IRAK2: variants seen among roughly 807,000 people sequenced by gnomAD.
IRAK2 encodes the protein interleukin-1 receptor-associated kinase-like 2.
A neutral mutation model predicts 72.0 loss-of-function variants in IRAK2; 57 were observed. The ratio of observed to expected loss-of-function variants is 0.79; its 90% CI spans 0.64 to 0.99. The LOEUF (loss-of-function observed/expected upper bound fraction) is 0.99, where lower values mean the gene tolerates loss of function less well. IRAK2 is among the 50% of genes least tolerant of loss of function. The probability of loss-of-function intolerance (pLI) is 0.00; values close to 1 mark genes in which losing one functional copy is unlikely to be tolerated. For synonymous variants in IRAK2, 293 were observed against 312.7 expected (o/e 0.94, Z 0.67); for missense variants, 790 against 794.4 (o/e 0.99, Z 0.07).
intron 4 of IRAK2, among the ~76,000 whole-genome samples, chr3:10,211,763 A>G (rs1697525000): frequency 6.6e-6 from 1 of 152,164 alleles, no homozygotes; most frequent in Non-Finnish European, 1.5e-5. Flanking sequence ...AAAACTGTTA[A>G]GAGCATATGT....
At chr3:10,204,243 G>A (rs1697405506) in intron 3 of IRAK2, among the ~76,000 whole-genome samples, 2 of 152,192 alleles carry the variant, frequency 1.3e-5, no homozygotes, top group African/African-American at 2.4e-5. Context: ...TCAGATAAGT[G>A]AGGCACAGCT....
At chr3:10,188,618 C>T (rs1697121309) in intron 2 of IRAK2, among the ~76,000 whole-genome samples, 1 of 152,242 alleles carries the variant, frequency 6.6e-6, no homozygotes, top group Non-Finnish European at 1.5e-5. Context: ...CCTCTGCCTC[C>T]CGGGTTCAAG....
At chr3:10,201,097 A>T (rs551383815) in intron 3 of IRAK2, among the ~76,000 whole-genome samples, 1 of 152,356 alleles carries the variant, frequency 6.6e-6, no homozygotes, top group Non-Finnish European at 1.5e-5. Context: ...GTGAGCAGAA[A>T]AGAAATAGCT....
intron 12 of IRAK2, among the ~76,000 whole-genome samples, chr3:10,240,567 T>TG (rs1193975872): frequency 1.5e-3 from 73 of 50,050 alleles, no homozygotes; most frequent in African/African-American, 6.3e-3. Flanking sequence ...CCTTTTTTTT[T>TG]TTTTGTTTTG....
chr3:10,209,491 G>T, intron 3 of IRAK2, 98 bp from the exon 4 acceptor site: 1 of 666,908 alleles, frequency 1.5e-6, no homozygotes, highest in Non-Finnish European at 2.4e-6. Flanking sequence ...AGTGTTTGGG[G>T]AGTGAACAGG....
chr3:10,214,219 G>T (rs895879778), intron 6 of IRAK2, among the ~76,000 whole-genome samples: 2 of 151,584 alleles, frequency 1.3e-5, no homozygotes, highest in African/African-American at 4.9e-5. Context: ...GTGAGCCACC[G>T]TGCCTGACTT....
rs1269430064 is a variant in IRAK2, at chr3:10,237,822, A to AG, written c.1474-926_1474-925insG. Among the ~76,000 whole-genome samples, 266 of 147,262 alleles carry AG rather than the reference A, an allele frequency of 1.8e-3. 2 individuals are homozygous for AG. Among genetic ancestry groups the AG allele is most frequent in the African/African-American group, 5.3e-3 (214 of 40,112 alleles). Reference sequence around the variant, plus strand: ...CTCTGTCTCAAAAAAAAAAAAAAAAAAAAGAAAGAAAGAAATGGATACATT... The same window carrying AG: ...CTCTGTCTCAAAAAAAAAAAAAAAAAGAAAGAAAGAAAGAAATGGATACATT... On this transcript the variant is annotated intron_variant, in intron 11 of 12. Transcript: ENST00000256458.
chr3:10,238,647 TC>T, intron 11 of IRAK2, 100 bp from the exon 12 acceptor site: 11 of 1,140,830 alleles, frequency 9.6e-6, no homozygotes, highest in Non-Finnish European at 1.3e-5. Context: ...ATTAGGTTCT[TC>T]AGTCTGCTCC....
chr3:10,207,078 CTTTTTGTTTGTT>C (rs1203102126), intron 3 of IRAK2, among the ~76,000 whole-genome samples: 8 of 151,844 alleles, frequency 5.3e-5, no homozygotes, highest in Non-Finnish European at 1.0e-4. Context: ...GTCTTAAACT[CTTTTTGTTTGTT>C]TTTTTGTTTG....
rs142760102 is a variant in IRAK2 at position 10,218,403 on chromosome 3, G to A, written c.904-1277G>A. Among the ~76,000 whole-genome samples, 334 of 129,572 alleles carry A rather than the reference G, an allele frequency of 2.6e-3. 10 individuals carry two copies. In the East Asian group the frequency reaches 0.074, roughly 29 times the overall value. 85.0% of individuals were successfully genotyped at this position (129,572 alleles called of 152,430 possible). A position where few individuals can be genotyped will look rare whatever the true frequency, so the allele number is the denominator to read the frequency against. ...TGCACCACTGCACTCCAGCCTGGGC[G>A]ACAAAGTGAGACTCCGTCTCAAAAA... On this transcript the variant is annotated intron_variant, in intron 7 of 12. Coordinates refer to ENST00000256458, the MANE Select transcript of IRAK2 (RefSeq NM_001570.4).
intron 1 of IRAK2, among the ~76,000 whole-genome samples, chr3:10,169,006 T>G (rs1201582020): frequency 6.6e-6 from 1 of 151,976 alleles, no homozygotes; most frequent in African/African-American, 2.4e-5. Context: ...GTCTGAGAAA[T>G]AAAGAGTACA....
chr3:10,241,167 C>T (rs1008893955), intron 12 of IRAK2, among the ~76,000 whole-genome samples: 6 of 151,336 alleles, frequency 4.0e-5, no homozygotes, highest in African/African-American at 9.7e-5. Flanking sequence ...CCTAGTACTT[C>T]GGGAGGACGA....
intron 4 of IRAK2, among the ~76,000 whole-genome samples, chr3:10,211,842 C>T (rs1021961637): frequency 1.3e-5 from 2 of 152,042 alleles, no homozygotes; most frequent in African/African-American, 4.8e-5. Context: ...CTTTGGGAGG[C>T]CAAGTCGGGC....
intron 2 of IRAK2, among the ~76,000 whole-genome samples, chr3:10,187,980 AT>A (rs1553623540): frequency 6.6e-6 from 1 of 151,994 alleles, no homozygotes; most frequent in Non-Finnish European, 1.5e-5. Context: ...CCAGAGAGGG[AT>A]TTTTCCAGAT....
intron 2 of IRAK2, among the ~76,000 whole-genome samples, chr3:10,183,259 C>A (rs1440276656): frequency 6.6e-6 from 1 of 152,148 alleles, no homozygotes; most frequent in Non-Finnish European, 1.5e-5. Flanking sequence ...GACAGGGGCC[C>A]ACTGGGGGCC....
At chr3:10,167,663 C>T (rs1696718308) in intron 1 of IRAK2, among the ~76,000 whole-genome samples, 1 of 152,192 alleles carries the variant, frequency 6.6e-6, no homozygotes, top group Non-Finnish European at 1.5e-5. Flanking sequence ...AATCCACCTA[C>T]CTCGGCTTCC....
intron 4 of IRAK2, among the ~76,000 whole-genome samples, chr3:10,210,279 G>A (rs1697498414): frequency 6.6e-6 from 1 of 152,044 alleles, no homozygotes; most frequent in Non-Finnish European, 1.5e-5. Context: ...TACTTGGGAG[G>A]CTGAGGCGGG....
At chr3:10,186,783 CTTTT>C (rs4020034) in intron 2 of IRAK2, among the ~76,000 whole-genome samples, 4 of 124,710 alleles carry the variant, frequency 3.2e-5, no homozygotes, top group East Asian at 2.2e-4. Flanking sequence ...TCTTTCTTTC[CTTTT>C]TTTTTTTTTT....
At chr3:10,177,613 G>T (rs764438898) in intron 1 of IRAK2, among the ~76,000 whole-genome samples, 2 of 152,186 alleles carry the variant, frequency 1.3e-5, no homozygotes, top group Non-Finnish European at 2.9e-5. Context: ...CTCCTGTCCC[G>T]TGGTCTTTCT....
Sources: gnomAD v4.1 joint callset for allele counts (sites outside exome capture counted in the v4.1 genomes callset) on GRCh38, gnomAD v4.1.1 for gene constraint, MANE v1.5 for transcripts, NCBI Gene and HGNC (gene_info 2026-07-23, HGNC 2026-07-21) for gene names.